The following CDH23 variants were observed in gnomAD, a reference collection of about 807,000 sequenced individuals.
CDH23 encodes the protein cadherin-23.
Under a neutral mutation model 317.1 loss-of-function variants are expected in CDH23, and 189 were observed. The ratio of observed to expected loss-of-function variants is 0.60; its 90% CI spans 0.53 to 0.67. The LOEUF is 0.67. Among genes scored for constraint, CDH23 ranks in the 30% least tolerant of loss-of-function variants. CDH23 has a pLI of 0.00. For synonymous variants in CDH23, 1,839 were observed against 1,876.8 expected (o/e 0.98, Z 0.52); for missense variants, 4,401 against 4,592.4 (o/e 0.96, Z 1.20).
chr10:71,613,248 A>G (rs1007870130), intron 9 of CDH23, among the ~76,000 whole-genome samples: 1 of 152,166 alleles, frequency 6.6e-6, no homozygotes, highest in Non-Finnish European at 1.5e-5. Context: ...CAGCTAAAGA[A>G]ACTCCCTTCT....
chr10:71,416,539 A>T (rs1416022130), intron 1 of CDH23, among the ~76,000 whole-genome samples: 1 of 152,126 alleles, frequency 6.6e-6, no homozygotes, highest in Non-Finnish European at 1.5e-5. Context: ...GATATTCTTT[A>T]TTCTTCATTG....
At chr10:71,780,954 G>A (rs1840935871) in intron 41 of CDH23, among the ~76,000 whole-genome samples, 1 of 152,200 alleles carries the variant, frequency 6.6e-6, no homozygotes, top group South Asian at 2.1e-4. Flanking sequence ...GAAAGTCAAG[G>A]TTTTGGCGTG....
chr10:71,760,879 T>A, intron 38 of CDH23: 1 of 1,613,688 alleles, frequency 6.2e-7, no homozygotes, highest in South Asian at 1.1e-5. Flanking sequence ...TTCACTATCC[T>A]GGGAGGAGGA....
chr10:71,812,232 G>T, intron 66 of CDH23: 1 of 1,595,212 alleles, frequency 6.3e-7, no homozygotes, highest in Non-Finnish European at 8.5e-7. Flanking sequence ...TCCAGGGGAT[G>T]CAGACTTTGG....
chr10:71,802,119 C>A (rs1332047753), intron 53 of CDH23, among the ~76,000 whole-genome samples: 1 of 152,128 alleles, frequency 6.6e-6, no homozygotes, highest in Admixed American at 6.5e-5. Context: ...ACCAGCCTGG[C>A]CAACATGGTG....
intron 9 of CDH23, among the ~76,000 whole-genome samples, chr10:71,593,348 TA>T (rs779417202): frequency 6.4e-4 from 97 of 152,270 alleles, no homozygotes; most frequent in Admixed American, 3.1e-3. Context: ...ATTCAAGACC[TA>T]AATGTGAAAC....
At chr10:71,573,036 G>C (rs1385205758) in intron 8 of CDH23, among the ~76,000 whole-genome samples, 1 of 152,230 alleles carries the variant, frequency 6.6e-6, no homozygotes, top group African/African-American at 2.4e-5. Context: ...ACGGCCTCCT[G>C]ACCAGGTCCT....
chr10:71,631,375 T>A (rs1228771509), intron 11 of CDH23, among the ~76,000 whole-genome samples: 1 of 152,056 alleles, frequency 6.6e-6, no homozygotes, highest in African/African-American at 2.4e-5. Context: ...TTAGGGGAGA[T>A]GAGGATGACT....
intron 51 of CDH23, 84 bp downstream of exon 51, chr10:71,799,364 G>T: frequency 6.2e-7 from 1 of 1,606,146 alleles, no homozygotes; most frequent in Non-Finnish European, 8.5e-7. Context: ...CACCCTGCCA[G>T]CCTCTAAGCC....
intron 1 of CDH23, among the ~76,000 whole-genome samples, chr10:71,409,555 G>C (rs1038396681): frequency 6.6e-6 from 1 of 152,118 alleles, no homozygotes; most frequent in Non-Finnish European, 1.5e-5. Context: ...CTGCTGGCCT[G>C]GGGGTGGGAT....
intron 47 of CDH23, 27 bp from the exon 48 acceptor site, chr10:71,793,155 A>C (rs376930254): frequency 6.4e-7 from 1 of 1,563,174 alleles, no homozygotes; most frequent in South Asian, 1.1e-5. Context: ...CACTGTGCGC[A>C]GCTACTCCCT....
intron 1 of CDH23, among the ~76,000 whole-genome samples, chr10:71,426,354 G>A (rs1849078597): frequency 6.6e-6 from 1 of 152,230 alleles, no homozygotes; most frequent in South Asian, 2.1e-4. Context: ...GACAGGCCCA[G>A]GACCTGGGGT....
intron 11 of CDH23, among the ~76,000 whole-genome samples, chr10:71,641,627 C>T (rs1379662016): frequency 6.6e-6 from 1 of 152,208 alleles, no homozygotes; most frequent in Non-Finnish European, 1.5e-5. Context: ...TCAACCCAGG[C>T]CTACAGAATC....
At chr10:71,693,117 G>T (rs946199421) in intron 20 of CDH23, among the ~76,000 whole-genome samples, 1 of 152,234 alleles carries the variant, frequency 6.6e-6, no homozygotes, top group Non-Finnish European at 1.5e-5. Context: ...ATAGTAAATG[G>T]CCTGGCTGCT....
At chr10:71,704,058 G>A (rs372100521) in intron 24 of CDH23, among the ~76,000 whole-genome samples, 1 of 152,282 alleles carries the variant, frequency 6.6e-6, no homozygotes, top group South Asian at 2.1e-4. Flanking sequence ...CGTTCTCCAG[G>A]GGGTAGAGCT....
At chr10:71,553,990 A>G (rs191015567) in intron 6 of CDH23, among the ~76,000 whole-genome samples, 43 of 152,352 alleles carry the variant, frequency 2.8e-4, no homozygotes, top group African/African-American at 9.9e-4. Context: ...CACCATAAGT[A>G]ACATCTGCAA....
At chr10:71,716,019 G>C in intron 28 of CDH23, 1 of 1,500,588 alleles carries the variant, frequency 6.7e-7, no homozygotes. Flanking sequence ...ACGGTGGGCC[G>C]GCCATGGCGG....
chr10:71,607,180 G>A (rs1860577365), intron 9 of CDH23, among the ~76,000 whole-genome samples: 2 of 152,212 alleles, frequency 1.3e-5, no homozygotes, highest in Non-Finnish European at 2.9e-5. Context: ...TGGCTCCGCT[G>A]GACAGCGATG....
At chr10:71,458,615 C>T (rs1850814899) in intron 3 of CDH23, among the ~76,000 whole-genome samples, 1 of 152,204 alleles carries the variant, frequency 6.6e-6, no homozygotes, top group Non-Finnish European at 1.5e-5. Context: ...TCCTTTGCAT[C>T]TTTAGCAAGT....
Sources: allele counts gnomAD v4.1 joint callset (sites outside exome capture counted in the v4.1 genomes callset), GRCh38; gene constraint gnomAD v4.1.1; transcripts MANE v1.5; gene names NCBI Gene and HGNC (gene_info 2026-07-23, HGNC 2026-07-21).